The following MAFK variants were observed in gnomAD, a reference collection of about 807,000 sequenced individuals.
MAFK encodes transcription factor MafK.
MAFK carries 1 observed loss-of-function variant against 9.2 expected under a neutral mutation model. The ratio of observed to expected loss-of-function variants is 0.11; its 90% CI spans 0.04 to 0.52. The LOEUF is 0.52. MAFK is among the 20% of genes least tolerant of loss of function. MAFK has a pLI of 0.94. For synonymous variants in MAFK, 110 were observed against 107.4 expected, an observed-to-expected ratio of 1.02 and a Z score of -0.15; for missense variants, 207 against 236.0, an observed-to-expected ratio of 0.88 and a Z score of 0.81.
At chr7:1,538,524 C>A in intron 1 of MAFK, 1 of 773,606 alleles carries the variant, frequency 1.3e-6, no homozygotes, top group Non-Finnish European at 1.6e-6. Context: ...CCAGGCCCAC[C>A]GTGGGGGATG....
chr7:1,534,182 G>A lies in MAFK; in HGVS notation c.-45+3284G>A, dbSNP rs1384986042. 2.2e-6 allele frequency: 1 copy of A among 451,996 alleles called. No individual in the cohort carries two copies. The highest frequency in any genetic ancestry group is 2.0e-5 in the African/African-American group (1 of 50,002). The allele number at this position is 451,996 out of a possible 1,614,324, so 28.0% of individuals were successfully genotyped here. On this transcript the variant is annotated intron_variant, in intron 1 of 2. Transcript: ENST00000343242. The surrounding 1 kb of genome is among the most constrained non-coding windows in gnomAD (Gnocchi z 4.3). ...AAGTGGGGTGCCTCCCGCATGCTTA[G>A]TGGGGCTGTGTCCGGGACAGCCGGA...
chr7:1,536,966 C>G (rs1470666849), intron 1 of MAFK, among the ~76,000 whole-genome samples: 7 of 152,348 alleles, frequency 4.6e-5, no homozygotes, highest in Non-Finnish European at 7.3e-5. Flanking sequence ...GGTCCTCATT[C>G]TTCAGAGGGC....
Position 1,534,380 on chromosome 7 carries a change from C to T in MAFK, c.-45+3482C>T, listed in dbSNP as rs3824069. The stretch of plus-strand genomic sequence containing the variant: ...CTTGCGGCCCAGTGTGGAGGGCACC[C>T]GGCTTGGGGTCTCTGGCAGAAAGGC... On this transcript the variant is annotated intron_variant, in intron 1 of 2. Coordinates refer to ENST00000343242, the MANE Select transcript of MAFK (RefSeq NM_002360.4). This position sits in a 1 kb window ranked among gnomAD's most constrained non-coding sequence, Gnocchi z 4.3. 25,853 of 444,116 alleles carry T rather than the reference C, an allele frequency of 0.058. 1,531 individuals are homozygous for T. The highest frequency in any genetic ancestry group is 0.19 in the Admixed American group (7,829 of 42,314). The allele number at this position is 444,116 out of a possible 1,614,324, so 27.5% of individuals were successfully genotyped here.
In MAFK at chr7:1,535,622, C is replaced by T. The variant is rs545647410; in HGVS notation, c.-44-3527C>T. The stretch of plus-strand genomic sequence containing the variant: ...CTGTGATTTCACCACTGCACTCCAG[C>T]CTGGGTGACAGAGTGACACCTTGTC... On this transcript the variant is annotated intron_variant, in intron 1 of 2. Transcript: ENST00000343242. Among the ~76,000 whole-genome samples the T allele has an allele frequency of 7.9e-5, 12 of 152,332 alleles. 1 individual carries two copies. In the South Asian group the frequency reaches 2.5e-3, roughly 32 times the overall value.
In MAFK at chr7:1,540,724, C is replaced by T. The variant is rs1212195754; in HGVS notation, c.*349C>T. The T allele has an allele frequency of 1.4e-5, 4 of 279,210 alleles. No homozygotes were observed. Among genetic ancestry groups the T allele is most frequent in the South Asian group, 5.1e-5 (1 of 19,614 alleles). 17.3% of individuals were successfully genotyped at this position (279,210 alleles called of 1,614,324 possible). ...CCTCTGTGGGGGCTGCCGGAAGACACGGCCCCAGGAGTCAGGCCCCTGTGG... is the reference window on the plus strand; with the variant it reads ...CCTCTGTGGGGGCTGCCGGAAGACATGGCCCCAGGAGTCAGGCCCCTGTGG... On this transcript the variant is annotated 3_prime_UTR_variant, in exon 3 of 3. Transcript: ENST00000343242.
Position 1,537,408 on chromosome 7 carries a change from G to A in MAFK, c.-44-1741G>A, listed in dbSNP as rs953741709. On this transcript the variant is annotated intron_variant, in intron 1 of 2. Coordinates refer to ENST00000343242, the MANE Select transcript of MAFK (RefSeq NM_002360.4). ...GGCCGGCCTGTGCACTGACGTGCTC[G>A]CAGTGGAGCTGGAAGCGGTGCCCGC... is the stretch of plus-strand genomic sequence containing the variant. 6.3e-5 allele frequency: 62 copies of A among 985,386 alleles called. No homozygotes were observed. The South Asian group carries it at 7.5e-4, about 12-fold the overall frequency. The allele number at this position is 985,386 out of a possible 1,614,324, so 61.0% of individuals were successfully genotyped here.
intron 1 of MAFK, 175 bp from the exon 2 acceptor site, chr7:1,538,974 C>G: frequency 5.0e-6 from 3 of 596,008 alleles, no homozygotes; most frequent in South Asian, 2.0e-5. Context: ...GGATGCCTCA[C>G]CCCCTGGGAA....
chr7:1,534,119 C>A lies in MAFK; in HGVS notation c.-45+3221C>A. ...TTGCTGGAGGGCAGCCAGCCAGGGC[C>A]AGGCTGCTGGCTGGTATGGGCCGGG... On this transcript the variant is annotated intron_variant, in intron 1 of 2. Transcript: ENST00000343242. The surrounding 1 kb of genome is among the most constrained non-coding windows in gnomAD (Gnocchi z 4.3). 1 of 408,452 alleles carries A rather than the reference C, an allele frequency of 2.4e-6. No individual in the cohort carries two copies. Among genetic ancestry groups the A allele is most frequent in the East Asian group, 7.4e-5 (1 of 13,500 alleles). 25.3% of individuals were successfully genotyped at this position (408,452 alleles called of 1,614,324 possible).
Position 1,532,347 on chromosome 7 carries a change from T to A in MAFK, c.-45+1449T>A, listed in dbSNP as rs1783924824. Among the ~76,000 whole-genome samples the A allele has an allele frequency of 6.6e-6, 1 of 152,158 alleles. No homozygotes were observed. Among genetic ancestry groups the A allele is most frequent in the Non-Finnish European group, 1.5e-5 (1 of 68,050 alleles). On this transcript the variant is annotated intron_variant, in intron 1 of 2. Coordinates refer to ENST00000343242, the MANE Select transcript of MAFK (RefSeq NM_002360.4). This position sits in a 1 kb window ranked among gnomAD's most constrained non-coding sequence, Gnocchi z 4.5. ...GACACACCTACACCCTATTTGGGCGTCCAGTGCCATTTATGAGAACATCTC... is the reference window on the plus strand; with the variant it reads ...GACACACCTACACCCTATTTGGGCGACCAGTGCCATTTATGAGAACATCTC...
intron 2 of MAFK, among the ~76,000 whole-genome samples, chr7:1,539,588 C>CTGTGCTTGGCGCGCTGT (rs1784126002): frequency 1.3e-5 from 2 of 152,244 alleles, no homozygotes; most frequent in African/African-American, 4.8e-5. Flanking sequence ...GGCCCGAGCC[C>CTGTGCTTGGCGCGCTGT]ACCTGTGCCT....
intron 1 of MAFK, among the ~76,000 whole-genome samples, chr7:1,531,882 T>C (rs1325913309): frequency 6.6e-6 from 1 of 152,242 alleles, no homozygotes; most frequent in Non-Finnish European, 1.5e-5. Flanking sequence ...GTCCCTCTCC[T>C]GGTGTCCTGC....
In MAFK at chr7:1,532,737, A is replaced by G. The variant is rs1748328432; in HGVS notation, c.-45+1839A>G. ...CTCAGCGATGGCTGCGTTTGTTTAC[A>G]GTCTCTGGCAAAGCTGTTTGCCACC... On this transcript the variant is annotated intron_variant, in intron 1 of 2. Coordinates refer to ENST00000343242, the MANE Select transcript of MAFK (RefSeq NM_002360.4). The surrounding 1 kb of genome is among the most constrained non-coding windows in gnomAD (Gnocchi z 4.5). 6.6e-6 allele frequency among the ~76,000 whole-genome samples: 1 copy of G among 152,194 alleles called. No individual in the cohort carries two copies. The highest frequency in any genetic ancestry group is 1.5e-5 in the Non-Finnish European group (1 of 68,016).
At chr7:1,535,769 G>C (rs766548783) in intron 1 of MAFK, among the ~76,000 whole-genome samples, 1 of 152,202 alleles carries the variant, frequency 6.6e-6, no homozygotes, top group Non-Finnish European at 1.5e-5. Flanking sequence ...GCCCTGCCGG[G>C]GGGAGCCCAG....
At chr7:1,539,007 C>T (rs1784107628) in intron 1 of MAFK, 142 bp from the exon 2 acceptor site, 5 of 683,390 alleles carry the variant, frequency 7.3e-6, no homozygotes, top group South Asian at 3.4e-5. Context: ...GGGCTGGGCC[C>T]GGATGGTGCC....
rs775055520 is a variant in MAFK at position 1,539,970 on chromosome 7, G to T, written c.66G>T (p.Pro22=). 1 of 1,546,850 alleles carries T rather than the reference G, an allele frequency of 6.5e-7. No homozygotes were observed. The highest frequency in any genetic ancestry group is 2.4e-5 in the East Asian group (1 of 40,962). Residue 22 remains proline, a synonymous_variant, in exon 3 of 3, where the codon CCG becomes CCT. Transcript: ENST00000343242. ...KVKKEAGENA[P]VLSDDELVSM... ...AGAAGGAGGCGGGCGAGAACGCCCC[G>T]GTGCTCAGCGATGATGAGCTGGTGT...
At chr7:1,533,951 A>T in intron 1 of MAFK, 1 of 287,606 alleles carries the variant, frequency 3.5e-6, no homozygotes, top group Non-Finnish European at 7.1e-6. Context: ...CGGGGACTGG[A>T]GGGGGTGTGG....
rs896070760 is a variant in MAFK, at chr7:1,539,811, C to T, written c.37-130C>T. 5.8e-5 allele frequency: 44 copies of T among 756,662 alleles called. 1 individual carries two copies. The South Asian group carries it at 7.5e-4, about 13-fold the overall frequency. The allele number at this position is 756,662 out of a possible 1,614,324, so 46.9% of individuals were successfully genotyped here. On this transcript the variant is annotated intron_variant, in intron 2 of 2. Transcript: ENST00000343242. ...GCACAGTGTCCTGTGGTCCCTGGTG[C>T]GGATGGCGAAGGCCAGCCCTGAGAG... is the stretch of plus-strand genomic sequence containing the variant.
rs889879608 is a variant in MAFK, at chr7:1,538,440, G to A, written c.-44-709G>A. 15 of 981,654 alleles carry A rather than the reference G, an allele frequency of 1.5e-5. No homozygotes were observed. The Admixed American group carries it at 1.9e-4, about 12-fold the overall frequency. 60.8% of individuals were successfully genotyped at this position (981,654 alleles called of 1,614,324 possible). ...AGGTGGAGGTGGTGATGTCACAGCC[G>A]CAGCGGCCAGGGCCGTGGTAGGTGT... On this transcript the variant is annotated intron_variant, in intron 1 of 2. Transcript: ENST00000343242.
chr7:1,539,551 T>C (rs1239794304), intron 2 of MAFK, among the ~76,000 whole-genome samples: 1 of 151,728 alleles, frequency 6.6e-6, no homozygotes, highest in African/African-American at 2.4e-5. Context: ...GCGTGGCCTC[T>C]GGTGAACGCG....
Sources: allele counts gnomAD v4.1 joint callset (sites outside exome capture counted in the v4.1 genomes callset), GRCh38; gene constraint gnomAD v4.1.1; non-coding constraint Gnocchi (gnomAD v3.1); transcripts MANE v1.5; gene names NCBI Gene and HGNC (gene_info 2026-07-23, HGNC 2026-07-21).